Variants in DPP6 observed in about 807,000 individuals in gnomAD.
DPP6 encodes the protein dipeptidyl peptidase like 6, also known as A-type potassium channel modulatory protein DPP6.
A neutral mutation model predicts 122.6 loss-of-function variants in DPP6; 69 were observed. That is an observed-to-expected ratio of 0.56 (90% CI 0.46 to 0.69). DPP6 has a LOEUF of 0.69. DPP6 is among the 30% of genes least tolerant of loss of function. The pLI, the probability that DPP6 is intolerant of heterozygous loss-of-function variation, is 0.00. For missense variants in DPP6, 928 were observed against 1,116.9 expected, an observed-to-expected ratio of 0.83 and a Z score of 2.41; for synonymous variants, 418 against 433.1, an observed-to-expected ratio of 0.97 and a Z score of 0.43.
chr7:154,461,869 A>G (rs1204971300), intron 2 of DPP6, among the ~76,000 whole-genome samples: 1 of 152,114 alleles, frequency 6.6e-6, no homozygotes, highest in Non-Finnish European at 1.5e-5. Flanking sequence ...ACTCAATGTG[A>G]TTCCAATTGT....
chr7:154,269,630 C>T (rs769219740), intron 1 of DPP6, among the ~76,000 whole-genome samples: 7 of 152,146 alleles, frequency 4.6e-5, no homozygotes, highest in South Asian at 2.1e-4. Flanking sequence ...CAAGTTCCTC[C>T]GCTTCTCTGG....
At chr7:153,930,403 ACCAGCATCCTCTGATGTT>A (rs1801116311) in intron 1 of DPP6, among the ~76,000 whole-genome samples, 3 of 152,126 alleles carry the variant, frequency 2.0e-5, no homozygotes, top group Non-Finnish European at 4.4e-5. Flanking sequence ...ATACTTAGAA[ACCAGCATCCTCTGATGTT>A]CTCAGCAGGA....
Position 154,334,783 on chromosome 7 carries a change from C to A in DPP6, c.244-111431C>A, listed in dbSNP as rs193097683. Among the ~76,000 whole-genome samples the A allele has an allele frequency of 5.3e-5, 8 of 152,278 alleles. No individual in the cohort carries two copies. In the East Asian group the frequency reaches 1.5e-3, roughly 29 times the overall value. On this transcript the variant is annotated intron_variant, in intron 1 of 25. Transcript: ENST00000377770. ...TGGTGGCACGCACCTGTAGTCCCAG[C>A]TACTCAGGAGGCTGAGGTGGGCGAA...
In DPP6 at chr7:154,760,838, TTTG is replaced by T. The variant is rs1795495862; in HGVS notation, c.884-8576_884-8574del. ...GGCTCAGCCTTCCTCTTTCAAAACT[TTTG>T]TTTTTTTTTTTTTGAGACAGTCTTG... On this transcript the variant is annotated intron_variant, in intron 8 of 25. Transcript: ENST00000377770. The surrounding 1 kb of genome is among the most constrained non-coding windows in gnomAD (Gnocchi z 4.5). Among the ~76,000 whole-genome samples, 1 of 72,650 alleles carries T rather than the reference TTTG, an allele frequency of 1.4e-5. No homozygotes were observed. The allele number at this position is 72,650 out of a possible 152,430, so 47.7% of individuals were successfully genotyped here. A position where few individuals can be genotyped will look rare whatever the true frequency, so the allele number is the denominator to read the frequency against.
At chr7:154,865,333 TGTC>T (rs1475699755) in intron 17 of DPP6, 2 of 152,232 alleles carry the variant, frequency 1.3e-5, no homozygotes, top group African/African-American at 4.8e-5. Context: ...GGGATGATCA[TGTC>T]AGCAGGCAGA....
intron 5 of DPP6, among the ~76,000 whole-genome samples, chr7:154,614,604 A>C (rs926035724): frequency 6.6e-6 from 1 of 152,222 alleles, no homozygotes; most frequent in African/African-American, 2.4e-5. Context: ...TGGTGGTTTC[A>C]TGATTGCTTG....
In DPP6 at chr7:154,742,851, A is replaced by T. The variant is rs531381515; in HGVS notation, c.883+14964A>T. 2.0e-3 allele frequency among the ~76,000 whole-genome samples: 301 copies of T among 152,194 alleles called. 1 individual carries two copies. Among genetic ancestry groups the T allele is most frequent in the African/African-American group, 5.7e-3 (238 of 41,534 alleles). Reference sequence around the variant, plus strand: ...AGGAGGCCCTGTAAGGGTATTTGGGATCTCAAGAGCCTCTGGGACTTACGG... The same window carrying T: ...AGGAGGCCCTGTAAGGGTATTTGGGTTCTCAAGAGCCTCTGGGACTTACGG... On this transcript the variant is annotated intron_variant, in intron 8 of 25. Transcript: ENST00000377770.
At chr7:154,415,264 G>T (rs931897534) in intron 1 of DPP6, among the ~76,000 whole-genome samples, 1 of 152,116 alleles carries the variant, frequency 6.6e-6, no homozygotes, top group African/African-American at 2.4e-5. Flanking sequence ...ATCACTCAAG[G>T]TTCCAGCTCT....
intron 7 of DPP6, among the ~76,000 whole-genome samples, chr7:154,681,615 G>A (rs1466468748): frequency 6.6e-6 from 1 of 152,142 alleles, no homozygotes; most frequent in Non-Finnish European, 1.5e-5. Flanking sequence ...GGCTGTACTC[G>A]GTGCTGCCAA....
chr7:153,971,562 C>T (rs1341461790), intron 1 of DPP6, among the ~76,000 whole-genome samples: 2 of 130,570 alleles, frequency 1.5e-5, no homozygotes, highest in Non-Finnish European at 1.7e-5. Context: ...TTGTCAGTTT[C>T]TCATAGATAT....
chr7:154,178,242 C>T (rs1452492011), intron 1 of DPP6, among the ~76,000 whole-genome samples: 1 of 152,154 alleles, frequency 6.6e-6, no homozygotes, highest in East Asian at 1.9e-4. Flanking sequence ...CCTCCAATTA[C>T]TATAGAAAAT....
rs138821493 is a variant in DPP6 at position 154,423,769 on chromosome 7, G to T, written c.244-22445G>T. Among the ~76,000 whole-genome samples, 399 of 152,334 alleles carry T rather than the reference G, an allele frequency of 2.6e-3. 2 individuals carry two copies. Among genetic ancestry groups the T allele is most frequent in the Non-Finnish European group, 4.7e-3 (321 of 68,030 alleles). ...TTAATGAATTGGAAAGTTATAAGATGCCTCTATTAATCACTTTTCTAAATG... is the reference window on the plus strand; with the variant it reads ...TTAATGAATTGGAAAGTTATAAGATTCCTCTATTAATCACTTTTCTAAATG... On this transcript the variant is annotated intron_variant, in intron 1 of 25. Coordinates refer to ENST00000377770, the MANE Select transcript of DPP6 (RefSeq NM_130797.4).
At chr7:154,479,011 C>T (rs1222261385) in intron 3 of DPP6, among the ~76,000 whole-genome samples, 3 of 152,028 alleles carry the variant, frequency 2.0e-5, no homozygotes, top group Non-Finnish European at 2.9e-5. Context: ...ACAAGTGTAC[C>T]TTGGGTTTAA....
intron 2 of DPP6, among the ~76,000 whole-genome samples, chr7:154,460,784 G>T (rs1178713013): frequency 3.3e-5 from 5 of 152,090 alleles, no homozygotes; most frequent in Non-Finnish European, 7.4e-5. Context: ...TGCATGAAAT[G>T]ATAAACACAC....
chr7:153,904,877 A>G (rs1023570316), intron 1 of DPP6, among the ~76,000 whole-genome samples: 3 of 152,264 alleles, frequency 2.0e-5, no homozygotes, highest in African/African-American at 7.2e-5. Context: ...GAGGCTTACA[A>G]ATTTGATCAC....
At position 154,584,744 on chromosome 7, in the gene DPP6, T is replaced by G. The variant is rs1459533088; in HGVS notation, c.627+17828T>G. ...GACTTTCATACTAAGGAGGGCTTTA[T>G]TGTTATAAATATTTAAACCTGCTTT... On this transcript the variant is annotated intron_variant, in intron 5 of 25. Coordinates refer to ENST00000377770, the MANE Select transcript of DPP6 (RefSeq NM_130797.4). Among the ~76,000 whole-genome samples, 3 of 152,238 alleles carry G rather than the reference T, an allele frequency of 2.0e-5. No individual in the cohort carries two copies. The South Asian group carries it at 6.2e-4, about 32-fold the overall frequency.
chr7:154,356,047 T>C (rs915558383), intron 1 of DPP6, among the ~76,000 whole-genome samples: 1 of 152,220 alleles, frequency 6.6e-6, no homozygotes, highest in African/African-American at 2.4e-5. Context: ...AGGTCTTGCT[T>C]ATTTTTATGA....
At position 154,436,847 on chromosome 7, in the gene DPP6, G is replaced by A. The variant is rs578064623; in HGVS notation, c.244-9367G>A. On this transcript the variant is annotated intron_variant, in intron 1 of 25. Transcript: ENST00000377770. ...TTCTGGCTTGTCTTCATGAACTTACGTGTGAACCACTCACTTAGTGTAGTT... is the reference window on the plus strand; with the variant it reads ...TTCTGGCTTGTCTTCATGAACTTACATGTGAACCACTCACTTAGTGTAGTT... Among the ~76,000 whole-genome samples, 48 of 152,226 alleles carry A rather than the reference G, an allele frequency of 3.2e-4. No individual in the cohort carries two copies. The Middle Eastern group carries it at 0.02, about 65-fold the overall frequency.
rs987602049 is a variant in DPP6, at chr7:153,892,137, T to A, written c.51+4403T>A. On this transcript the variant is annotated intron_variant, in intron 1 of 25. Transcript: ENST00000404039. ...TTCTATGTTGGATAAAACATCTGAA[T>A]GTGAACTTTCCACAGTAAGAGTTCT... 6.6e-5 allele frequency among the ~76,000 whole-genome samples: 10 copies of A among 152,348 alleles called. No homozygotes were observed. The East Asian group carries it at 1.7e-3, about 26-fold the overall frequency.
Sources: allele counts gnomAD v4.1 joint callset (sites outside exome capture counted in the v4.1 genomes callset), GRCh38; gene constraint gnomAD v4.1.1; non-coding constraint Gnocchi (gnomAD v3.1); transcripts MANE v1.5; gene names NCBI Gene and HGNC (gene_info 2026-07-23, HGNC 2026-07-21).